Variants in MAJIN observed in about 807,000 individuals in gnomAD.
MAJIN encodes membrane anchored junction protein.
A neutral mutation model predicts 30.2 loss-of-function variants in MAJIN; 27 were observed. That is an observed-to-expected ratio of 0.89 (90% confidence interval 0.66 to 1.23). The LOEUF (loss-of-function observed/expected upper bound fraction) is 1.23. Among genes scored for constraint, MAJIN ranks in the 50% most tolerant of loss-of-function variants. The pLI is 0.00. For missense variants in MAJIN, 253 were observed against 260.3 expected, an observed-to-expected ratio of 0.97 and a Z score of 0.19; for synonymous variants, 78 against 91.6, an observed-to-expected ratio of 0.85 and a Z score of 0.85.
intron 10 of MAJIN, among the ~76,000 whole-genome samples, chr11:64,939,412 T>A (rs1308725887): frequency 6.6e-6 from 1 of 152,228 alleles, no homozygotes; most frequent in African/African-American, 2.4e-5. Flanking sequence ...AGTTAATGTT[T>A]ATGGGGCTTG....
intron 1 of MAJIN, among the ~76,000 whole-genome samples, chr11:64,967,177 T>C (rs1428681083): frequency 1.3e-5 from 2 of 150,704 alleles, no homozygotes; most frequent in African/African-American, 2.4e-5. Context: ...GGAGGCTGAG[T>C]CGGGCAGATC....
Position 64,946,052 on chromosome 11 carries a change from G to T in MAJIN, c.473+1322C>A, listed in dbSNP as rs373234373. 2.9e-5 allele frequency: 43 copies of T among 1,498,340 alleles called. No homozygotes were observed. In the African/African-American group the frequency reaches 4.8e-4, roughly 17 times the overall value. The allele number at this position is 1,498,340 out of a possible 1,614,324, so 92.8% of individuals were successfully genotyped here. On this transcript the variant is annotated intron_variant, in intron 8 of 10. Transcript: ENST00000301896. Reference sequence around the variant, plus strand: ...ACAGGAATAGCTAATAGCCTTGAAGGCTCCATTTTAGTACTAAGGCTCCAT... The same window carrying T: ...ACAGGAATAGCTAATAGCCTTGAAGTCTCCATTTTAGTACTAAGGCTCCAT...
chr11:64,945,872 C>T (rs916322543), intron 8 of MAJIN, among the ~76,000 whole-genome samples: 19 of 152,132 alleles, frequency 1.2e-4, no homozygotes, highest in Non-Finnish European at 2.4e-4. Context: ...TTCATCGATG[C>T]GTGTATTATG....
At chr11:64,940,943 A>T (rs1180348524) in intron 8 of MAJIN, among the ~76,000 whole-genome samples, 1 of 137,688 alleles carries the variant, frequency 7.3e-6, no homozygotes, top group Non-Finnish European at 1.5e-5. Context: ...GGTTCACGCC[A>T]TTCTCCTCCC....
At position 64,958,229 on chromosome 11, in the gene MAJIN, C is replaced by T. The variant is rs971779271; in HGVS notation, c.101+1076G>A. Reference sequence around the variant, plus strand: ...CCTCCCAAAGTGCTGGGATTACAGGCGTGAGCCACTGTGCCTGGCCAAATT... The same window carrying T: ...CCTCCCAAAGTGCTGGGATTACAGGTGTGAGCCACTGTGCCTGGCCAAATT... On this transcript the variant is annotated intron_variant, in intron 3 of 10. Transcript: ENST00000301896. 4.6e-5 allele frequency among the ~76,000 whole-genome samples: 7 copies of T among 151,666 alleles called. No individual in the cohort carries two copies. The East Asian group carries it at 5.8e-4, about 13-fold the overall frequency.
intron 8 of MAJIN, among the ~76,000 whole-genome samples, chr11:64,944,736 G>A (rs1945425226): frequency 6.6e-6 from 1 of 152,250 alleles, no homozygotes; most frequent in African/African-American, 2.4e-5. Context: ...TGAGTCCTGG[G>A]AAGGTGAAGA....
chr11:64,940,158 A>G (rs1007817762), intron 9 of MAJIN, among the ~76,000 whole-genome samples: 4 of 152,228 alleles, frequency 2.6e-5, no homozygotes, highest in African/African-American at 9.6e-5. Flanking sequence ...CTTGACATGC[A>G]TTCCCAGCCC....
chr11:64,955,920 G>A (rs1049687538), intron 3 of MAJIN, among the ~76,000 whole-genome samples: 4 of 152,134 alleles, frequency 2.6e-5, no homozygotes, highest in Non-Finnish European at 4.4e-5. Context: ...TAATCCCGGC[G>A]CTTTGGGAGG....
At chr11:64,946,104 C>T (rs1471072303) in intron 8 of MAJIN, 13 of 1,535,200 alleles carry the variant, frequency 8.5e-6, no homozygotes, top group Non-Finnish European at 1.1e-5. Flanking sequence ...CTGGTTTCCA[C>T]AGGGGGCTTC....
intron 8 of MAJIN, among the ~76,000 whole-genome samples, chr11:64,943,438 C>T (rs975468607): frequency 2.0e-5 from 3 of 152,206 alleles, no homozygotes; most frequent in African/African-American, 7.2e-5. Context: ...TGTGTTCAGA[C>T]ACGCACATGC....
intron 8 of MAJIN, among the ~76,000 whole-genome samples, chr11:64,942,633 G>A (rs1040188547): frequency 6.6e-6 from 1 of 152,144 alleles, no homozygotes; most frequent in African/African-American, 2.4e-5. Context: ...GGGTTAGAAT[G>A]GCAGATATCT....
At chr11:64,971,469 G>T (rs967152283) in intron 1 of MAJIN, among the ~76,000 whole-genome samples, 1 of 151,408 alleles carries the variant, frequency 6.6e-6, no homozygotes, top group Non-Finnish European at 1.5e-5. Flanking sequence ...GTTGCGGGGG[G>T]GCGGGGAAGG....
chr11:64,943,504 G>A (rs1945407630), intron 8 of MAJIN, among the ~76,000 whole-genome samples: 3 of 152,198 alleles, frequency 2.0e-5, no homozygotes, highest in Admixed American at 6.5e-5. Context: ...AACATATTAA[G>A]CAATGGACCA....
chr11:64,959,331 G>A lies in MAJIN; in HGVS notation c.75C>T (p.Phe25=), dbSNP rs1338758006. The part of the protein sequence containing the change: ...FLHAGPNVYK[F]KIRYGKSIRG... Reference sequence around the variant, plus strand: ...TGATACTCTTCCCATATCTGATTTTGAATTTATACACATTGGGTCCTGCAT... The same window carrying A: ...TGATACTCTTCCCATATCTGATTTTAAATTTATACACATTGGGTCCTGCAT... The change falls in exon 3 of 11, where the codon TTC becomes TTT. Residue 25 remains phenylalanine, a synonymous_variant. Transcript: ENST00000301896. 2 of 1,613,612 alleles carry A rather than the reference G, an allele frequency of 1.2e-6. No homozygotes were observed. The highest frequency in any genetic ancestry group is 4.5e-5 in the East Asian group (2 of 44,876).
Position 64,938,362 on chromosome 11 carries a change from T to G in MAJIN, c.*213A>C. The G allele has an allele frequency of 2.9e-6, 2 of 697,550 alleles. No individual in the cohort carries two copies. The highest frequency in any genetic ancestry group is 4.6e-6 in the Non-Finnish European group (2 of 432,206). The allele number at this position is 697,550 out of a possible 1,614,324, so 43.2% of individuals were successfully genotyped here. Reference sequence around the variant, plus strand: ...TTTTAAATTGGGGGAAAAAATCTATTATAAAGGGGCAAAGGACACGATAAA... The same window carrying G: ...TTTTAAATTGGGGGAAAAAATCTATGATAAAGGGGCAAAGGACACGATAAA... On this transcript the variant is annotated 3_prime_UTR_variant, in exon 11 of 11. Coordinates refer to ENST00000301896, the MANE Select transcript of MAJIN (RefSeq NM_001037225.3).
At chr11:64,953,864 T>A (rs1318477119) in intron 4 of MAJIN, among the ~76,000 whole-genome samples, 2 of 152,202 alleles carry the variant, frequency 1.3e-5, no homozygotes, top group Non-Finnish European at 2.9e-5. Flanking sequence ...AACTTATTCA[T>A]AATGATATCC....
intron 9 of MAJIN, chr11:64,939,987 CA>C (rs1166265779): frequency 1.4e-5 from 6 of 440,044 alleles, no homozygotes; most frequent in Non-Finnish European, 2.1e-5. Flanking sequence ...GGGATATTTA[CA>C]CAGCTCAAGT....
intron 3 of MAJIN, among the ~76,000 whole-genome samples, chr11:64,958,598 G>GAAAAA (rs202169389): frequency 3.9e-5 from 4 of 102,414 alleles, no homozygotes; most frequent in Non-Finnish European, 5.5e-5. Flanking sequence ...TGTCTTGGGA[G>GAAAAA]AAAAAAAAAA....
intron 5 of MAJIN, 141 bp from the exon 6 acceptor site, chr11:64,950,009 G>A: frequency 8.4e-7 from 1 of 1,189,412 alleles, no homozygotes; most frequent in Non-Finnish European, 1.2e-6. Context: ...AGTCTAAAAT[G>A]TGAGCTGTAG....
Sources: gnomAD v4.1 joint callset for allele counts (sites outside exome capture counted in the v4.1 genomes callset) on GRCh38, gnomAD v4.1.1 for gene constraint, MANE v1.5 for transcripts, NCBI Gene and HGNC (gene_info 2026-07-23, HGNC 2026-07-21) for gene names.